ITPR1: variants seen among roughly 807,000 people sequenced by gnomAD.
ITPR1 encodes the protein inositol 1,4,5-trisphosphate receptor type 1, also known as inositol 1,4,5-trisphosphate-gated calcium channel ITPR1.
Under a neutral mutation model 318.4 loss-of-function variants are expected in ITPR1, and 96 were observed. That is an observed-to-expected ratio of 0.30 (90% CI 0.26 to 0.36). The LOEUF is 0.36. Among genes scored for constraint, ITPR1 ranks in the 10% least tolerant of loss-of-function variants. The pLI is 1.00. For missense variants in ITPR1, 2,440 were observed against 3,460.2 expected, an observed-to-expected ratio of 0.71 and a Z score of 7.40; for synonymous variants, 1,312 against 1,289.9, an observed-to-expected ratio of 1.02 and a Z score of -0.37.
At chr3:4,590,850 G>T (rs546060269) in intron 4 of ITPR1, among the ~76,000 whole-genome samples, 29 of 152,246 alleles carry the variant, frequency 1.9e-4, no homozygotes, top group African/African-American at 6.7e-4. Context: ...GTACCCAATA[G>T]TTATCCTTTC....
chr3:4,584,318 T>C (rs867165431), intron 4 of ITPR1, among the ~76,000 whole-genome samples: 1 of 152,118 alleles, frequency 6.6e-6, no homozygotes, highest in Non-Finnish European at 1.5e-5. Flanking sequence ...CTAAGTAGCA[T>C]TGTTGTAAAA....
At chr3:4,612,088 T>C (rs2092157765) in intron 4 of ITPR1, among the ~76,000 whole-genome samples, 1 of 115,816 alleles carries the variant, frequency 8.6e-6, no homozygotes, top group African/African-American at 3.3e-5. Context: ...TTTTTTGAGA[T>C]GGAGTCTCAC....
At chr3:4,660,951 A>T (rs1468387723) in intron 13 of ITPR1, 37 bp from the exon 14 acceptor site, 1 of 1,109,016 alleles carries the variant, frequency 9.0e-7, no homozygotes, top group Non-Finnish European at 1.3e-6. Flanking sequence ...AAACCTCAAT[A>T]TTTATTTCCC....
chr3:4,613,687 A>G (rs775496438), intron 4 of ITPR1, among the ~76,000 whole-genome samples: 8 of 152,124 alleles, frequency 5.3e-5, no homozygotes, highest in Non-Finnish European at 7.4e-5. Context: ...CAAATTGGAC[A>G]TTGTTATCTT....
chr3:4,548,021 T>G (rs7636025), intron 4 of ITPR1, among the ~76,000 whole-genome samples: 12,925 of 152,242 alleles, frequency 0.085, 1,779 homozygotes, highest in African/African-American at 0.29. Context: ...CATGTTGAAT[T>G]TAATAATCAG....
chr3:4,624,670 CA>C (rs1161664837), intron 4 of ITPR1, among the ~76,000 whole-genome samples: 2,674 of 72,494 alleles, frequency 0.037, 12 homozygotes, highest in Non-Finnish European at 0.063. Flanking sequence ...GCTCTGTCTC[CA>C]AAAAAAAAAA....
chr3:4,652,913 G>A (rs1458851200), intron 11 of ITPR1, among the ~76,000 whole-genome samples: 5 of 152,026 alleles, frequency 3.3e-5, no homozygotes, highest in South Asian at 2.1e-4. Context: ...GCTTGAACAC[G>A]GGAGGCAGAG....
At chr3:4,691,958 C>T (rs900685576) in intron 32 of ITPR1, among the ~76,000 whole-genome samples, 4 of 152,044 alleles carry the variant, frequency 2.6e-5, no homozygotes, top group Non-Finnish European at 5.9e-5. Flanking sequence ...ACAGGACCAG[C>T]CTGGGCAACA....
rs540727241 is a variant in ITPR1, at chr3:4,823,613, C to T, written c.8028+5371C>T. 4.6e-5 allele frequency among the ~76,000 whole-genome samples: 7 copies of T among 151,780 alleles called. No homozygotes were observed. The South Asian group carries it at 8.3e-4, about 18-fold the overall frequency. ...TGTGGGGGCTAAAAAAAACAAAAAACAAAATTGATCACGTGGCAAGTGGAA... is the reference window on the plus strand; with the variant it reads ...TGTGGGGGCTAAAAAAAACAAAAAATAAAATTGATCACGTGGCAAGTGGAA... On this transcript the variant is annotated intron_variant, in intron 60 of 61. Transcript: ENST00000649015.
chr3:4,575,462 A>G (rs536526380), intron 4 of ITPR1, among the ~76,000 whole-genome samples: 2 of 152,332 alleles, frequency 1.3e-5, no homozygotes, highest in African/African-American at 4.8e-5. Context: ...AATTTATTAA[A>G]TATCATCACC....
At chr3:4,803,986 C>CAGT (rs1678698916) in intron 54 of ITPR1, among the ~76,000 whole-genome samples, 2 of 152,222 alleles carry the variant, frequency 1.3e-5, no homozygotes, top group African/African-American at 4.8e-5. Flanking sequence ...ATTCTCCTCC[C>CAGT]TCAGCCTCCC....
intron 2 of ITPR1, among the ~76,000 whole-genome samples, chr3:4,514,454 G>A (rs773368109): frequency 6.6e-6 from 1 of 152,166 alleles, no homozygotes; most frequent in Non-Finnish European, 1.5e-5. Context: ...TGAATTGTCT[G>A]CTTCTTCCCA....
intron 2 of ITPR1, among the ~76,000 whole-genome samples, chr3:4,503,024 G>T (rs182784534): frequency 6.6e-6 from 1 of 152,120 alleles, no homozygotes; most frequent in African/African-American, 2.4e-5. Flanking sequence ...GGTGGAGGTT[G>T]CAGTGAGCTG....
At chr3:4,767,038 T>C (rs1275371781) in intron 45 of ITPR1, among the ~76,000 whole-genome samples, 1 of 152,262 alleles carries the variant, frequency 6.6e-6, no homozygotes, top group African/African-American at 2.4e-5. Context: ...AACTGGGTGT[T>C]AGTCCTTTGT....
intron 2 of ITPR1, among the ~76,000 whole-genome samples, chr3:4,508,741 G>A (rs1281706593): frequency 6.6e-6 from 1 of 152,100 alleles, no homozygotes; most frequent in Non-Finnish European, 1.5e-5. Flanking sequence ...CCTTTGAAGA[G>A]GTTTCCACCA....
rs58824241 is a variant in ITPR1, at chr3:4,732,392, A to C, written c.5221-696A>C. On this transcript the variant is annotated intron_variant, in intron 42 of 61. Coordinates refer to ENST00000649015, the MANE Select transcript of ITPR1 (RefSeq NM_001378452.1). ...CAACAGCAACTGTCAGCTCATGCCC[A>C]CTCTTGTCTCACTTATATCCCTCGC... Among the ~76,000 whole-genome samples the C allele has an allele frequency of 9.4e-3, 1,431 of 152,008 alleles. 25 individuals are homozygous for C. The highest frequency in any genetic ancestry group is 0.032 in the African/African-American group (1,324 of 41,446).
rs2048147260 is a variant in ITPR1, at chr3:4,800,324, A to T, written c.6932-101A>T. ...GGTGAGAGTTGGGACTGGTAAGCCA[A>T]AAAAGTTATTGAGGAATCTGTAACA... is the stretch of plus-strand genomic sequence containing the variant. On this transcript the variant is annotated intron_variant, in intron 53 of 61. Transcript: ENST00000649015. 18 of 1,300,556 alleles carry T rather than the reference A, an allele frequency of 1.4e-5. No homozygotes were observed. The South Asian group carries it at 2.5e-4, about 18-fold the overall frequency. The allele number at this position is 1,300,556 out of a possible 1,614,324, so 80.6% of individuals were successfully genotyped here.
chr3:4,511,969 T>C (rs532895792), intron 2 of ITPR1, among the ~76,000 whole-genome samples: 1 of 152,182 alleles, frequency 6.6e-6, no homozygotes, highest in African/African-American at 2.4e-5. Flanking sequence ...TTTGTGGGGC[T>C]AAGGGAGGGG....
At chr3:4,506,358 C>T (rs923751004) in intron 2 of ITPR1, among the ~76,000 whole-genome samples, 4 of 152,252 alleles carry the variant, frequency 2.6e-5, no homozygotes, top group East Asian at 3.9e-4. Context: ...TTGTACTAGC[C>T]GTTTACTCTA....
Sources: allele counts gnomAD v4.1 joint callset (sites outside exome capture counted in the v4.1 genomes callset), GRCh38; gene constraint gnomAD v4.1.1; transcripts MANE v1.5; gene names NCBI Gene and HGNC (gene_info 2026-07-23, HGNC 2026-07-21).